RNGTT: variants seen among roughly 807,000 people sequenced by gnomAD.
RNGTT encodes mRNA-capping enzyme.
Under a neutral mutation model 79.3 loss-of-function variants are expected in RNGTT, and 33 were observed. The observed-to-expected ratio is 0.42, with a 90% CI of 0.32 to 0.56. The LOEUF (loss-of-function observed/expected upper bound fraction) is 0.56. Ranked by LOEUF, RNGTT falls within the 20% of genes least tolerant of loss-of-function variation. The probability of loss-of-function intolerance (pLI) is 0.17; values close to 1 mark genes in which losing one functional copy is unlikely to be tolerated. For synonymous variants in RNGTT, 222 were observed against 235.9 expected, an observed-to-expected ratio of 0.94 and a Z score of 0.54; for missense variants, 497 against 739.1, an observed-to-expected ratio of 0.67 and a Z score of 3.80.
Position 88,853,761 on chromosome 6 carries a change from G to A in RNGTT, c.900C>T (p.Tyr300=), listed in dbSNP as rs1004611882. ...CATTTGTGCCATCAATCAACATCAT[G>A]TACCTGTAAATGAAACATTAAAAAG... ...KVSWKADGTR[Y]MMLIDGTNEV... The change falls in exon 9 of 16, where the codon TAC becomes TAT. Residue 300 remains tyrosine (Y), a synonymous_variant. Transcript: ENST00000369485. The A allele has an allele frequency of 6.5e-6, 10 of 1,532,666 alleles. No homozygotes were observed. The highest frequency in any genetic ancestry group is 1.4e-5 in the African/African-American group (1 of 71,524). The allele number at this position is 1,532,666 out of a possible 1,614,324, so 94.9% of individuals were successfully genotyped here. A position where few individuals can be genotyped will look rare whatever the true frequency, so the allele number is the denominator to read the frequency against.
chr6:88,961,132 T>C (rs1287281812), intron 1 of RNGTT, among the ~76,000 whole-genome samples: 3 of 152,198 alleles, frequency 2.0e-5, no homozygotes, highest in Admixed American at 2.0e-4. Context: ...GTGAAAAGAC[T>C]TGACCGGCTT....
intron 11 of RNGTT, among the ~76,000 whole-genome samples, chr6:88,828,836 GAAGA>G (rs966708422): frequency 4.6e-5 from 7 of 151,932 alleles, no homozygotes; most frequent in African/African-American, 1.7e-4. Context: ...CAAGATTAGA[GAAGA>G]AAGAATGAAA....
intron 8 of RNGTT, among the ~76,000 whole-genome samples, chr6:88,863,376 T>C (rs1161584025): frequency 2.0e-5 from 3 of 152,196 alleles, no homozygotes; most frequent in Admixed American, 6.5e-5. Context: ...TTAATCTTAA[T>C]GAACAGTACT....
chr6:88,787,616 G>A (rs1211664811), intron 12 of RNGTT, among the ~76,000 whole-genome samples: 4 of 151,748 alleles, frequency 2.6e-5, no homozygotes, highest in East Asian at 1.9e-4. Context: ...CCCAGATCGC[G>A]TCACTGCACT....
intron 13 of RNGTT, among the ~76,000 whole-genome samples, chr6:88,706,082 T>C (rs952008683): frequency 1.4e-4 from 21 of 152,072 alleles, no homozygotes; most frequent in Admixed American, 6.6e-4. Context: ...TTTGCCAATA[T>C]TCCTTGAGTC....
intron 6 of RNGTT, among the ~76,000 whole-genome samples, chr6:88,902,846 C>T (rs1783519944): frequency 6.6e-6 from 1 of 151,922 alleles, no homozygotes; most frequent in African/African-American, 2.4e-5. Flanking sequence ...CAGGCACCCG[C>T]CACCACGCCC....
At chr6:88,929,921 T>C (rs994309477) in intron 2 of RNGTT, among the ~76,000 whole-genome samples, 1 of 147,356 alleles carries the variant, frequency 6.8e-6, no homozygotes, top group African/African-American at 2.6e-5. Flanking sequence ...TATATACACG[T>C]ATATACATAT....
chr6:88,748,842 C>T (rs1023512557), intron 13 of RNGTT, among the ~76,000 whole-genome samples: 1 of 151,844 alleles, frequency 6.6e-6, no homozygotes. Context: ...CAATGTAATG[C>T]ACTTTCCACA....
At chr6:88,902,690 C>CTTTTTTTTTTTTTTTT (rs71024315) in intron 6 of RNGTT, among the ~76,000 whole-genome samples, 1 of 82,706 alleles carries the variant, frequency 1.2e-5, no homozygotes, top group African/African-American at 4.9e-5. Context: ...ATAGTGAAAT[C>CTTTTTTTTTTTTTTTT]TTTTTTTTTT....
At chr6:88,912,172 G>A (rs1783848570) in intron 4 of RNGTT, among the ~76,000 whole-genome samples, 1 of 151,388 alleles carries the variant, frequency 6.6e-6, no homozygotes, top group Non-Finnish European at 1.5e-5. Flanking sequence ...GGAGGCCAAG[G>A]CAGGAGGATC....
At chr6:88,933,146 T>A (rs934823320) in intron 2 of RNGTT, among the ~76,000 whole-genome samples, 4 of 152,214 alleles carry the variant, frequency 2.6e-5, no homozygotes, top group South Asian at 2.1e-4. Context: ...ATATGCTATA[T>A]TTTATGTATT....
chr6:88,920,227 C>G (rs1784124185), intron 4 of RNGTT, among the ~76,000 whole-genome samples: 1 of 152,290 alleles, frequency 6.6e-6, no homozygotes, highest in Non-Finnish European at 1.5e-5. Context: ...ATACCAAAAT[C>G]CTCCGATGCT....
At chr6:88,660,408 A>G (rs1277236239) in intron 14 of RNGTT, among the ~76,000 whole-genome samples, 1 of 152,204 alleles carries the variant, frequency 6.6e-6, no homozygotes, top group African/African-American at 2.4e-5. Flanking sequence ...TGTTGTCTTC[A>G]AGAGACTCAA....
At chr6:88,734,139 T>C (rs910951117) in intron 13 of RNGTT, among the ~76,000 whole-genome samples, 1 of 152,074 alleles carries the variant, frequency 6.6e-6, no homozygotes, top group Admixed American at 6.6e-5. Flanking sequence ...TTACAGCATA[T>C]AGTTCAGTGA....
At chr6:88,655,366 T>G (rs995406114) in intron 14 of RNGTT, among the ~76,000 whole-genome samples, 1 of 152,202 alleles carries the variant, frequency 6.6e-6, no homozygotes, top group African/African-American at 2.4e-5. Context: ...GTGGATGGTT[T>G]GATAGATTTT....
Position 88,790,373 on chromosome 6 carries a change from G to A in RNGTT, c.1338+11191C>T, listed in dbSNP as rs557474243. On this transcript the variant is annotated intron_variant, in intron 12 of 15. Coordinates refer to ENST00000369485, the MANE Select transcript of RNGTT (RefSeq NM_003800.5). ...CTTCTCTCCTCCACTGCGGGCAAAA[G>A]GCAGGAGATATGTTTATTCTGTGAA... Among the ~76,000 whole-genome samples the A allele has an allele frequency of 2.0e-5, 3 of 152,298 alleles. No individual in the cohort carries two copies. In the South Asian group the frequency reaches 6.2e-4, roughly 32 times the overall value.
chr6:88,816,031 T>C (rs567728267), intron 11 of RNGTT, among the ~76,000 whole-genome samples: 6 of 152,312 alleles, frequency 3.9e-5, no homozygotes, highest in African/African-American at 1.4e-4. Flanking sequence ...AGACCTAAGA[T>C]TTCTATCTAG....
At chr6:88,793,097 C>T (rs1478123450) in intron 12 of RNGTT, among the ~76,000 whole-genome samples, 1 of 152,018 alleles carries the variant, frequency 6.6e-6, no homozygotes, top group Non-Finnish European at 1.5e-5. Context: ...AATTAAAGAG[C>T]ACATCAAAAA....
At chr6:88,626,399 T>C (rs752750113) in intron 14 of RNGTT, among the ~76,000 whole-genome samples, 4 of 152,034 alleles carry the variant, frequency 2.6e-5, no homozygotes, top group African/African-American at 7.2e-5. Flanking sequence ...ACTACACTTA[T>C]GGACAATTTT....
Sources: gnomAD v4.1 joint callset for allele counts (sites outside exome capture counted in the v4.1 genomes callset) on GRCh38, gnomAD v4.1.1 for gene constraint, MANE v1.5 for transcripts, NCBI Gene and HGNC (gene_info 2026-07-23, HGNC 2026-07-21) for gene names.